Variants in ECT2 observed in about 807,000 individuals in gnomAD.
ECT2 encodes the protein epithelial cell transforming 2, also known as protein ECT2.
A neutral mutation model predicts 116.9 loss-of-function variants in ECT2; 61 were observed. That is an observed-to-expected ratio of 0.52 (90% CI 0.42 to 0.65). ECT2 has a LOEUF of 0.65. Among genes scored for constraint, ECT2 ranks in the 30% least tolerant of loss-of-function variants. The probability of loss-of-function intolerance (pLI) is 0.00; values close to 1 mark genes in which losing one functional copy is unlikely to be tolerated. For missense variants in ECT2, 937 were observed against 1,078.7 expected (o/e 0.87, Z 1.84); for synonymous variants, 358 against 346.4 (o/e 1.03, Z -0.37).
At chr3:172,769,428 C>G (rs986581011) in intron 13 of ECT2, among the ~76,000 whole-genome samples, 3 of 152,072 alleles carry the variant, frequency 2.0e-5, no homozygotes, top group Non-Finnish European at 4.4e-5. Flanking sequence ...TTTGCAGGTT[C>G]CTTGTCAAGA....
chr3:172,770,082 G>A (rs761705831), intron 13 of ECT2, among the ~76,000 whole-genome samples: 1 of 152,082 alleles, frequency 6.6e-6, no homozygotes, highest in Non-Finnish European at 1.5e-5. Flanking sequence ...TATTTTTCAT[G>A]GTTAATTATT....
chr3:172,756,014 C>G (rs750436166), intron 4 of ECT2, among the ~76,000 whole-genome samples: 2 of 152,206 alleles, frequency 1.3e-5, no homozygotes, highest in Non-Finnish European at 2.9e-5. Flanking sequence ...TTGCAGTGTC[C>G]TTTTGCTGTC....
intron 22 of ECT2, among the ~76,000 whole-genome samples, chr3:172,810,060 C>T (rs771971801): frequency 3.4e-4 from 51 of 152,178 alleles, no homozygotes; most frequent in Admixed American, 2.8e-3. Context: ...CCTTTAATTG[C>T]ATGGTCTGTA....
intron 4 of ECT2, among the ~76,000 whole-genome samples, 165 bp downstream of exon 4, chr3:172,755,740 A>G (rs1365191470): frequency 6.6e-6 from 1 of 152,072 alleles, no homozygotes; most frequent in Non-Finnish European, 1.5e-5. Flanking sequence ...CTTTTTTCTC[A>G]TTCATTTTAT....
Position 172,805,732 on chromosome 3 carries a change from T to A in ECT2, c.2108T>A (p.Ile703Lys), listed in dbSNP as rs757550456. The A allele has an allele frequency of 1.9e-6, 3 of 1,612,316 alleles. No individual in the cohort carries two copies. Among genetic ancestry groups the A allele is most frequent in the Non-Finnish European group, 2.5e-6 (3 of 1,179,366 alleles). ...TACTTTTTTATTTTCTATAATCAGA[T>A]AGCAAGAAAACGGCACAAGGTTATT... ...TLFLFNDCLEIARKRHKVIGT... is the reference protein window; with the variant it reads ...TLFLFNDCLEKARKRHKVIGT... Residue 703 changes from isoleucine (I) to lysine (K), a missense_variant and splice_region_variant, in exon 21 of 25, where the codon ATA becomes AAA. By Grantham distance (102) the Ile-to-Lys change is moderately radical. Coordinates refer to ENST00000392692, the MANE Select transcript of ECT2 (RefSeq NM_001258315.2).
chr3:172,796,493 T>C (rs756603106), intron 18 of ECT2: 12 of 152,200 alleles, frequency 7.9e-5, no homozygotes, highest in Non-Finnish European at 1.6e-4. Flanking sequence ...CATTTTCTTT[T>C]TCAATTAGCA....
At chr3:172,814,840 T>C (rs547178844) in intron 22 of ECT2, among the ~76,000 whole-genome samples, 27 of 152,282 alleles carry the variant, frequency 1.8e-4, no homozygotes, top group Non-Finnish European at 2.8e-4. Context: ...TTTTGAAATA[T>C]ACAATGCAAT....
intron 20 of ECT2, among the ~76,000 whole-genome samples, chr3:172,803,521 C>G (rs988246363): frequency 2.0e-5 from 3 of 152,036 alleles, no homozygotes; most frequent in Admixed American, 2.0e-4. Context: ...TTGTATTACC[C>G]CTGCAAGCAA....
intron 21 of ECT2, 174 bp from the exon 22 acceptor site, chr3:172,807,596 T>C: frequency 1.6e-6 from 1 of 632,996 alleles, no homozygotes; most frequent in Non-Finnish European, 2.6e-6. Flanking sequence ...GTGTTTTCAG[T>C]ACTTCAACTT....
chr3:172,782,247 CT>C lies in ECT2; in HGVS notation c.1617+22del, dbSNP rs61083731. On this transcript the variant is annotated intron_variant, in intron 15 of 24. Transcript: ENST00000392692. The stretch of plus-strand genomic sequence containing the variant: ...TCTGAAATATGTAAGTATTGTATTT[CT>C]TTTTTAAGTTTTCAGATTAAAATAT... The C allele has an allele frequency of 3.2e-4, 475 of 1,463,608 alleles. 3 individuals carry two copies. The highest frequency in any genetic ancestry group is 4.6e-4 in the South Asian group (36 of 78,514). The allele number at this position is 1,463,608 out of a possible 1,614,324, so 90.7% of individuals were successfully genotyped here. A position where few individuals can be genotyped will look rare whatever the true frequency, so the allele number is the denominator to read the frequency against.
chr3:172,824,142 G>A (rs1051883653), downstream of ECT2, among the ~76,000 whole-genome samples: 1 of 152,156 alleles, frequency 6.6e-6, no homozygotes. Flanking sequence ...GGCATCTTTA[G>A]ATATTGTAGT....
At chr3:172,767,694 A>G (rs890221335) in intron 12 of ECT2, among the ~76,000 whole-genome samples, 1 of 151,976 alleles carries the variant, frequency 6.6e-6, no homozygotes, top group African/African-American at 2.4e-5. Context: ...CATTAAAAAG[A>G]TGTATATATA....
At chr3:172,783,935 A>C (rs1215412299) in intron 16 of ECT2, 26 bp downstream of exon 16, 1 of 1,438,528 alleles carries the variant, frequency 7.0e-7, no homozygotes, top group Non-Finnish European at 9.5e-7. Flanking sequence ...TTCAAATAAA[A>C]ATTTGAGAAT....
chr3:172,766,417 A>T (rs925005592), intron 12 of ECT2, among the ~76,000 whole-genome samples: 7 of 152,246 alleles, frequency 4.6e-5, no homozygotes, highest in African/African-American at 1.7e-4. Context: ...AGAGAAATTG[A>T]TTGAATAGAT....
chr3:172,825,536 A>G (rs1244226204), downstream of ECT2, among the ~76,000 whole-genome samples: 1 of 152,214 alleles, frequency 6.6e-6, no homozygotes, highest in Non-Finnish European at 1.5e-5. Context: ...AGAAAGTGAA[A>G]CAGACTTATT....
In ECT2 at chr3:172,764,507, C is replaced by A. The variant is rs377341544; in HGVS notation, c.1291+7C>A. ...TCTAGCATTAACTATGGAGGTAATT[C>A]ACATTCTTAAAAACTTGTCTTTAAA... On this transcript the variant is annotated splice_region_variant and intron_variant, in intron 12 of 24. Transcript: ENST00000392692. The A allele has an allele frequency of 6.8e-6, 11 of 1,608,570 alleles. No individual in the cohort carries two copies. The highest frequency in any genetic ancestry group is 9.4e-6 in the Non-Finnish European group (11 of 1,175,430).
At chr3:172,752,673 T>C (rs1716133598) in intron 1 of ECT2, among the ~76,000 whole-genome samples, 1 of 152,186 alleles carries the variant, frequency 6.6e-6, no homozygotes, top group South Asian at 2.1e-4. Context: ...CTTAGAATAA[T>C]GATTGACATG....
intron 12 of ECT2, among the ~76,000 whole-genome samples, chr3:172,766,258 TA>T (rs1170579359): frequency 3.3e-5 from 5 of 152,190 alleles, no homozygotes; most frequent in African/African-American, 7.2e-5. Flanking sequence ...TTTTAGAGAA[TA>T]ATGGATAGAT....
At chr3:172,781,099 G>A (rs75206126) in intron 14 of ECT2, among the ~76,000 whole-genome samples, 9,341 of 152,114 alleles carry the variant, frequency 0.061, 964 homozygotes, top group African/African-American at 0.21. Context: ...GAGGGTTTAA[G>A]TTCATCTTTT....
Sources: allele counts gnomAD v4.1 joint callset (sites outside exome capture counted in the v4.1 genomes callset), GRCh38; gene constraint gnomAD v4.1.1; transcripts MANE v1.5; gene names NCBI Gene and HGNC (gene_info 2026-07-23, HGNC 2026-07-21).